The following POU2F3 variants were observed in gnomAD, a reference collection of about 807,000 sequenced individuals.
POU2F3 encodes POU domain, class 2, transcription factor 3.
Under a neutral mutation model 59.2 loss-of-function variants are expected in POU2F3, and 23 were observed. The observed-to-expected ratio is 0.39, with a 90% CI of 0.28 to 0.55. The LOEUF is 0.55. POU2F3 is among the 20% of genes least tolerant of loss of function. POU2F3 has a pLI of 0.66. For synonymous variants in POU2F3, 190 were observed against 214.6 expected (o/e 0.89, Z 1.00); for missense variants, 473 against 544.5 (o/e 0.87, Z 1.31).
intron 9 of POU2F3, among the ~76,000 whole-genome samples, chr11:120,307,993 A>C (rs1941547340): frequency 6.6e-6 from 1 of 152,024 alleles, no homozygotes; most frequent in African/African-American, 2.4e-5. Context: ...TATGCAGTAC[A>C]TTTTGTATTT....
intron 10 of POU2F3, among the ~76,000 whole-genome samples, chr11:120,313,785 G>A (rs936131117): frequency 1.3e-5 from 2 of 152,064 alleles, no homozygotes; most frequent in African/African-American, 4.8e-5. Flanking sequence ...AGGCCAAGAT[G>A]GGTGGATCAC....
In POU2F3 at chr11:120,318,372, C is replaced by A; in HGVS notation, c.1291C>A (p.His431Asn). 1 of 1,606,226 alleles carries A rather than the reference C, an allele frequency of 6.2e-7. No homozygotes were observed. Among genetic ancestry groups the A allele is most frequent in the South Asian group, 1.1e-5 (1 of 90,912 alleles). ...NSSGSWYRWN[H>N]STYLH ...TTCCAGATCTTGGTACCGATGGAAT[C>A]ATTCCACCTACCTCCACTGAGACCA... The change falls in exon 13 of 13, where the codon CAT (histidine) becomes AAT (asparagine). Residue 431 changes from histidine (H) to asparagine (N), a missense_variant. By Grantham distance (68) the His-to-Asn change is moderately conservative (BLOSUM62 1). Transcript: ENST00000543440.
chr11:120,257,452 C>A (rs1314248339), intron 2 of POU2F3, among the ~76,000 whole-genome samples: 1 of 151,338 alleles, frequency 6.6e-6, no homozygotes, highest in African/African-American at 2.4e-5. Context: ...GGTCACCATA[C>A]CCTTCAATTC....
At chr11:120,246,104 G>T (rs974990071) in intron 1 of POU2F3, among the ~76,000 whole-genome samples, 1 of 152,204 alleles carries the variant, frequency 6.6e-6, no homozygotes, top group Non-Finnish European at 1.5e-5. Context: ...GGAAACGAGT[G>T]TTGGAAATGG....
In POU2F3 at chr11:120,269,205, T is replaced by C; in HGVS notation, c.98-5T>C. On this transcript the variant is annotated splice_region_variant and splice_polypyrimidine_tract_variant and intron_variant, in intron 2 of 12. Coordinates refer to ENST00000543440, the MANE Select transcript of POU2F3 (RefSeq NM_014352.4). The stretch of plus-strand genomic sequence containing the variant: ...CTAATATACATATATTTTTATCTTT[T>C]CTAGGAAATGATCGAAATGGCCTAG... The C allele has an allele frequency of 6.3e-7, 1 of 1,578,730 alleles. No homozygotes were observed.
intron 1 of POU2F3, among the ~76,000 whole-genome samples, chr11:120,244,756 G>C (rs1386697410): frequency 1.3e-5 from 2 of 152,208 alleles, no homozygotes; most frequent in Non-Finnish European, 2.9e-5. Context: ...GTACTTAATG[G>C]GTGGGAGAGG....
At chr11:120,309,788 A>C (rs1941606083) in intron 10 of POU2F3, among the ~76,000 whole-genome samples, 1 of 152,090 alleles carries the variant, frequency 6.6e-6, no homozygotes, top group South Asian at 2.1e-4. Flanking sequence ...GTCAGAGAGG[A>C]CCTCCCTGAA....
chr11:120,236,818 C>T (rs760493174), upstream of POU2F3: 21 of 1,129,278 alleles, frequency 1.9e-5, no homozygotes, highest in East Asian at 5.1e-5. Flanking sequence ...CAACCCTATA[C>T]ACAGGTGGGA....
intron 2 of POU2F3, among the ~76,000 whole-genome samples, chr11:120,252,209 T>TC (rs201840586): frequency 0.062 from 9,177 of 147,560 alleles, 441 homozygotes; most frequent in East Asian, 0.21. Context: ...TGCTTTTCTT[T>TC]TTTTTTTTTT....
chr11:120,309,378 C>T lies in POU2F3; in HGVS notation c.907-47C>T, dbSNP rs976100941. ...TTCTTTGGGACCTCTGTTCCCTGCC[C>T]CTGATTCCCTTCTCTTGGCCATACT... On this transcript the variant is annotated intron_variant, in intron 9 of 12. Coordinates refer to ENST00000543440, the MANE Select transcript of POU2F3 (RefSeq NM_014352.4). 2.6e-6 allele frequency: 4 copies of T among 1,540,686 alleles called. No individual in the cohort carries two copies. In the Admixed American group the frequency reaches 5.1e-5, roughly 19 times the overall value.
chr11:120,259,228 T>C (rs1236821077), intron 2 of POU2F3: 1 of 152,188 alleles, frequency 6.6e-6, no homozygotes, highest in African/African-American at 2.4e-5. Context: ...TTGGTGATGT[T>C]GACTCTTCTC....
intron 10 of POU2F3, among the ~76,000 whole-genome samples, chr11:120,314,950 G>C (rs1941742587): frequency 6.6e-6 from 1 of 152,212 alleles, no homozygotes; most frequent in Non-Finnish European, 1.5e-5. Context: ...GCAAAAGCAG[G>C]GTTCTTTTAG....
chr11:120,273,459 G>C (rs1297045639), intron 3 of POU2F3, among the ~76,000 whole-genome samples: 1 of 152,210 alleles, frequency 6.6e-6, no homozygotes, highest in Admixed American at 6.5e-5. Flanking sequence ...TCCAGGCCTA[G>C]GGGATAGTGA....
At chr11:120,269,168 A>T in intron 2 of POU2F3, 42 bp from the exon 3 acceptor site, 2 of 1,505,738 alleles carry the variant, frequency 1.3e-6, no homozygotes, top group Non-Finnish European at 1.8e-6. Context: ...GCTCTTCCAA[A>T]CCTGCTACCA....
At chr11:120,314,869 A>G (rs928025890) in intron 10 of POU2F3, among the ~76,000 whole-genome samples, 3 of 152,232 alleles carry the variant, frequency 2.0e-5, no homozygotes, top group African/African-American at 7.2e-5. Flanking sequence ...TGGAGAGTCC[A>G]TGCTCCATTC....
chr11:120,259,682 C>G (rs1356409725), intron 2 of POU2F3, among the ~76,000 whole-genome samples: 2 of 152,156 alleles, frequency 1.3e-5, no homozygotes, highest in African/African-American at 4.8e-5. Flanking sequence ...GGAATGGAGA[C>G]AGCAACTTTT....
In POU2F3 at chr11:120,260,474, G is replaced by C. The variant is rs1049312563; in HGVS notation, c.98-8736G>C. On this transcript the variant is annotated intron_variant, in intron 2 of 12. Transcript: ENST00000543440. ...GGGCACCTCCTCCATTAGGATCCTT[G>C]GACTTTCCTCTGCAGCACTTCATTG... Among the ~76,000 whole-genome samples, 8 of 152,310 alleles carry C rather than the reference G, an allele frequency of 5.3e-5. 1 individual carries two copies. The highest frequency in any genetic ancestry group is 1.4e-4 in the African/African-American group (6 of 41,572).
At chr11:120,274,118 A>G (rs956155047) in intron 3 of POU2F3, among the ~76,000 whole-genome samples, 1 of 107,836 alleles carries the variant, frequency 9.3e-6, no homozygotes. Context: ...AAAGGAAGGA[A>G]GGAAGGAAGG....
rs932374135 is a variant in POU2F3, at chr11:120,307,361, G to T, written c.770-118G>T. The stretch of plus-strand genomic sequence containing the variant: ...GGGCTCCCTGCTGGGGGAGGGGATT[G>T]CTCCTGAAAATGCCACTGCAGAGCC... On this transcript the variant is annotated intron_variant, in intron 8 of 12. Transcript: ENST00000543440. 5.1e-6 allele frequency: 6 copies of T among 1,168,186 alleles called. No individual in the cohort carries two copies. The South Asian group carries it at 5.8e-5, about 11-fold the overall frequency. The allele number at this position is 1,168,186 out of a possible 1,614,324, so 72.4% of individuals were successfully genotyped here.
Sources: allele counts gnomAD v4.1 joint callset (sites outside exome capture counted in the v4.1 genomes callset), GRCh38; gene constraint gnomAD v4.1.1; transcripts MANE v1.5; gene names NCBI Gene and HGNC (gene_info 2026-07-23, HGNC 2026-07-21).